SF3A3: variants seen among roughly 807,000 people sequenced by gnomAD.
SF3A3 encodes splicing factor 3a subunit 3, also known as SAP 61.
SF3A3 carries 9 observed loss-of-function variants against 85.8 expected under a neutral mutation model. The ratio of observed to expected loss-of-function variants is 0.10; its 90% CI spans 0.06 to 0.18. SF3A3 has a LOEUF of 0.18. Among genes scored for constraint, SF3A3 ranks in the 10% least tolerant of loss-of-function variants. The pLI is 1.00. For missense variants in SF3A3, 306 were observed against 593.3 expected, an observed-to-expected ratio of 0.52 and a Z score of 5.03; for synonymous variants, 195 against 204.4, an observed-to-expected ratio of 0.95 and a Z score of 0.39.
chr1:37,960,333 T>G lies in SF3A3; in HGVS notation c.1373-158A>C, dbSNP rs75237424. On this transcript the variant is annotated intron_variant, in intron 15 of 16. Coordinates refer to ENST00000373019, the MANE Select transcript of SF3A3 (RefSeq NM_006802.4). Reference sequence around the variant, plus strand: ...ACCAGAGTTTTGGTTCTGGACCACCTATAGACAAAACCCTTTCCACTGCAA... The same window carrying G: ...ACCAGAGTTTTGGTTCTGGACCACCGATAGACAAAACCCTTTCCACTGCAA... 940 of 602,074 alleles carry G rather than the reference T, an allele frequency of 1.6e-3. 9 individuals are homozygous for G. The African/African-American group carries it at 0.016, about 10-fold the overall frequency. The allele number at this position is 602,074 out of a possible 1,614,324, so 37.3% of individuals were successfully genotyped here.
At chr1:37,976,392 T>C (rs996230240) in intron 12 of SF3A3, among the ~76,000 whole-genome samples, 7 of 152,202 alleles carry the variant, frequency 4.6e-5, no homozygotes, top group South Asian at 2.1e-4. Flanking sequence ...TCCTGAAATA[T>C]TCAAGAACAT....
intron 16 of SF3A3, 107 bp downstream of exon 16, chr1:37,960,013 C>A: frequency 2.9e-6 from 2 of 690,588 alleles, no homozygotes; most frequent in Non-Finnish European, 2.6e-6. Context: ...TCACATTCTA[C>A]TCGCTGCTGC....
At chr1:37,984,114 AC>A (rs1646439176) in intron 6 of SF3A3, 54 bp downstream of exon 6, 2 of 919,170 alleles carry the variant, frequency 2.2e-6, no homozygotes, top group Non-Finnish European at 3.5e-6. Context: ...GTTCCAGCCT[AC>A]TGTCCTGACT....
At chr1:37,961,860 C>T (rs1401598983) in intron 15 of SF3A3, among the ~76,000 whole-genome samples, 1 of 147,936 alleles carries the variant, frequency 6.8e-6, no homozygotes, top group Non-Finnish European at 1.5e-5. Context: ...GGTGGGCGGG[C>T]AGATCACCTG....
At chr1:37,961,369 G>A (rs1443880270) in intron 15 of SF3A3, among the ~76,000 whole-genome samples, 1 of 151,922 alleles carries the variant, frequency 6.6e-6, no homozygotes, top group Admixed American at 6.6e-5. Flanking sequence ...CGGAACACCT[G>A]AGGTCGGGAG....
In SF3A3 at chr1:37,960,114, A is replaced by T; in HGVS notation, c.1428+6T>A. 6.2e-7 allele frequency: 1 copy of T among 1,613,212 alleles called. No individual in the cohort carries two copies. Among genetic ancestry groups the T allele is most frequent in the Non-Finnish European group, 8.5e-7 (1 of 1,179,396 alleles). On this transcript the variant is annotated splice_donor_region_variant and intron_variant, in intron 16 of 16. Coordinates refer to ENST00000373019, the MANE Select transcript of SF3A3 (RefSeq NM_006802.4). ...TATCCCTAACACCATCCACATTAGT[A>T]CCCACCTCAGTGTCAGGCTGCCATC...
intron 15 of SF3A3, among the ~76,000 whole-genome samples, chr1:37,964,401 T>C (rs1646284325): frequency 6.6e-6 from 1 of 151,964 alleles, no homozygotes; most frequent in African/African-American, 2.4e-5. Context: ...GATCAGGAAT[T>C]TGAGACCAGC....
Position 37,978,737 on chromosome 1 carries a change from C to T in SF3A3, c.918G>A (p.Lys306=), listed in dbSNP as rs1313789139. 1.9e-5 allele frequency: 29 copies of T among 1,563,304 alleles called. No individual in the cohort carries two copies. The highest frequency in any genetic ancestry group is 2.4e-5 in the Non-Finnish European group (28 of 1,152,420). Residue 306 remains lysine, a synonymous_variant, in exon 11 of 17, where the codon AAG becomes AAA. Coordinates refer to ENST00000373019, the MANE Select transcript of SF3A3 (RefSeq NM_006802.4). ...CCACTCACCGCTTGGTGCCCTTTGA[C>T]TTGGGATTTTTGGCAAACAAAGAGG... ...LDTSLFAKNP[K]SKGTKRDTER...
intron 6 of SF3A3, among the ~76,000 whole-genome samples, chr1:37,982,652 G>A (rs906442922): frequency 1.3e-4 from 20 of 152,002 alleles, no homozygotes; most frequent in Non-Finnish European, 2.6e-4. Context: ...GGTTACAGGC[G>A]TGAGCCACCG....
intron 16 of SF3A3, among the ~76,000 whole-genome samples, chr1:37,959,080 C>A (rs369370894): frequency 7.0e-6 from 1 of 143,322 alleles, no homozygotes. Flanking sequence ...ACTTTTTTTT[C>A]TTTTTTTTTT....
At chr1:37,964,476 G>A (rs1335870189) in intron 15 of SF3A3, among the ~76,000 whole-genome samples, 5 of 151,894 alleles carry the variant, frequency 3.3e-5, no homozygotes, top group East Asian at 2.0e-4. Flanking sequence ...GCGTGGTGGC[G>A]AGCGCCTGTA....
intron 15 of SF3A3, among the ~76,000 whole-genome samples, chr1:37,963,393 G>A (rs1646275310): frequency 6.6e-6 from 1 of 152,060 alleles, no homozygotes; most frequent in Non-Finnish European, 1.5e-5. Context: ...ATGCTATGTG[G>A]TGAACCTAAA....
intron 15 of SF3A3, among the ~76,000 whole-genome samples, chr1:37,963,399 C>A (rs916565628): frequency 1.2e-4 from 19 of 152,074 alleles, no homozygotes; most frequent in African/African-American, 4.6e-4. Context: ...TGTGGTGAAC[C>A]TAAAAAGTTC....
intron 15 of SF3A3, among the ~76,000 whole-genome samples, chr1:37,962,823 C>A (rs1041360560): frequency 2.0e-5 from 3 of 150,200 alleles, no homozygotes; most frequent in African/African-American, 7.3e-5. Context: ...CGGTGGCTCA[C>A]GCCTGTAATC....
intron 15 of SF3A3, among the ~76,000 whole-genome samples, chr1:37,961,374 C>T (rs919446330): frequency 5.3e-5 from 8 of 151,550 alleles, no homozygotes; most frequent in Non-Finnish European, 1.0e-4. Context: ...CACCTGAGGT[C>T]GGGAGTTCGA....
At position 37,966,935 on chromosome 1, in the gene SF3A3, C is replaced by CAAA. The variant is rs11394683; in HGVS notation, c.1372+1106_1372+1108dup. Among the ~76,000 whole-genome samples, 127 of 14,168 alleles carry CAAA rather than the reference C, an allele frequency of 9.0e-3. 17 individuals carry two copies. The East Asian group carries it at 0.095, about 11-fold the overall frequency. 9.3% of individuals were successfully genotyped at this position (14,168 alleles called of 152,430 possible). A position where few individuals can be genotyped will look rare whatever the true frequency, so the allele number is the denominator to read the frequency against. ...GGGCAATATGAGCGAAACTCCATCTCAAAAAAAAAAAAAAAAAAAAAAAAA... is the reference window on the plus strand; with the variant it reads ...GGGCAATATGAGCGAAACTCCATCTCAAAAAAAAAAAAAAAAAAAAAAAAAAAA... On this transcript the variant is annotated intron_variant, in intron 15 of 16. Coordinates refer to ENST00000373019, the MANE Select transcript of SF3A3 (RefSeq NM_006802.4).
intron 15 of SF3A3, among the ~76,000 whole-genome samples, chr1:37,964,930 G>A (rs1169102136): frequency 3.3e-5 from 5 of 152,030 alleles, no homozygotes; most frequent in South Asian, 2.1e-4. Flanking sequence ...AGGCCAATGC[G>A]GGTGCATCAC....
At chr1:37,981,942 G>GTTTTTTT in intron 6 of SF3A3, 131 bp from the exon 7 acceptor site, 2 of 499,782 alleles carry the variant, frequency 4.0e-6, no homozygotes, top group Middle Eastern at 3.9e-4. Context: ...GGCTAATTTT[G>GTTTTTTT]GTTTTTTTTG....
intron 8 of SF3A3, among the ~76,000 whole-genome samples, chr1:37,980,377 T>A (rs1646409463): frequency 6.7e-6 from 1 of 149,804 alleles, no homozygotes; most frequent in Non-Finnish European, 1.5e-5. Flanking sequence ...TGAGCCGAGA[T>A]CCCGCCATTG....
Sources: gnomAD v4.1 joint callset for allele counts (sites outside exome capture counted in the v4.1 genomes callset) on GRCh38, gnomAD v4.1.1 for gene constraint, MANE v1.5 for transcripts, NCBI Gene and HGNC (gene_info 2026-07-23, HGNC 2026-07-21) for gene names.